The following UVRAG variants were observed in gnomAD, a reference collection of about 807,000 sequenced individuals.
UVRAG encodes UV radiation resistance associated.
UVRAG carries 19 observed loss-of-function variants against 78.0 expected under a neutral mutation model. The ratio of observed to expected loss-of-function variants is 0.24; its 90% CI spans 0.17 to 0.36. The LOEUF is 0.36. UVRAG is among the 10% of genes least tolerant of loss of function. UVRAG has a pLI of 1.00. For missense variants in UVRAG, 740 were observed against 853.8 expected, an observed-to-expected ratio of 0.87 and a Z score of 1.66; for synonymous variants, 323 against 324.6, an observed-to-expected ratio of 1.00 and a Z score of 0.05.
At chr11:76,038,943 A>C (rs1950591655) in intron 12 of UVRAG, among the ~76,000 whole-genome samples, 1 of 152,238 alleles carries the variant, frequency 6.6e-6, no homozygotes, top group African/African-American at 2.4e-5. Flanking sequence ...ACACATGAGA[A>C]GCCTGGCCAA....
rs577252740 is a variant in UVRAG at position 75,938,202 on chromosome 11, A to G, written c.594-23242A>G. Among the ~76,000 whole-genome samples the G allele has an allele frequency of 2.6e-5, 4 of 152,090 alleles. No individual in the cohort carries two copies. The South Asian group carries it at 6.2e-4, about 24-fold the overall frequency. ...TGTGATTTTCATCTCTGAAAGTTCAATTTGGGTTTTTCAAAAATTTTCAAT... is the reference window on the plus strand; with the variant it reads ...TGTGATTTTCATCTCTGAAAGTTCAGTTTGGGTTTTTCAAAAATTTTCAAT... On this transcript the variant is annotated intron_variant, in intron 6 of 14. Coordinates refer to ENST00000356136, the MANE Select transcript of UVRAG (RefSeq NM_003369.4).
chr11:75,836,041 C>T (rs1343548148), intron 1 of UVRAG, among the ~76,000 whole-genome samples: 1 of 151,942 alleles, frequency 6.6e-6, no homozygotes, highest in African/African-American at 2.4e-5. Flanking sequence ...GCGGAGGTTG[C>T]AGTGAGCCTA....
intron 2 of UVRAG, among the ~76,000 whole-genome samples, chr11:75,860,204 C>G (rs888372734): frequency 6.6e-5 from 10 of 152,382 alleles, no homozygotes; most frequent in Admixed American, 5.9e-4. Context: ...CTCAGCCTCC[C>G]AAAGTGCTGG....
chr11:76,138,317 C>G (rs1952635724), intron 14 of UVRAG, among the ~76,000 whole-genome samples: 1 of 152,194 alleles, frequency 6.6e-6, no homozygotes, highest in Admixed American at 6.5e-5. Context: ...CATGACCCAC[C>G]ACCTGCCTAT....
intron 7 of UVRAG, 66 bp from the exon 8 acceptor site, chr11:75,983,321 A>T: frequency 1.2e-5 from 16 of 1,356,970 alleles, no homozygotes; most frequent in Non-Finnish European, 1.6e-5. Flanking sequence ...AAACATTGTG[A>T]GTATGTAATT....
At position 75,919,188 on chromosome 11, in the gene UVRAG, A is replaced by G. The variant is rs975731790; in HGVS notation, c.593+7149A>G. ...TAACTTTGTTTATCATCTTTAAACT[A>G]TGGATGTGATAACCAACTTTTAGGC... On this transcript the variant is annotated intron_variant, in intron 6 of 14. Coordinates refer to ENST00000356136, the MANE Select transcript of UVRAG (RefSeq NM_003369.4). Among the ~76,000 whole-genome samples, 11 of 152,174 alleles carry G rather than the reference A, an allele frequency of 7.2e-5. No individual in the cohort carries two copies. The East Asian group carries it at 9.6e-4, about 13-fold the overall frequency.
At chr11:76,025,007 T>C (rs1274572338) in intron 12 of UVRAG, among the ~76,000 whole-genome samples, 1 of 152,190 alleles carries the variant, frequency 6.6e-6, no homozygotes, top group Non-Finnish European at 1.5e-5. Context: ...GCACTTGAGA[T>C]GTTAAAGTTC....
chr11:76,019,185 T>C (rs943604275), intron 12 of UVRAG, among the ~76,000 whole-genome samples: 3 of 152,252 alleles, frequency 2.0e-5, no homozygotes, highest in Non-Finnish European at 4.4e-5. Context: ...CACTTGATTC[T>C]TTTTAATTAT....
At chr11:75,976,682 T>A (rs547116451) in intron 7 of UVRAG, among the ~76,000 whole-genome samples, 1 of 152,326 alleles carries the variant, frequency 6.6e-6, no homozygotes, top group South Asian at 2.1e-4. Flanking sequence ...TATCTGATGG[T>A]AGTTTGTATC....
At chr11:76,055,072 A>G (rs1337321671) in intron 12 of UVRAG, among the ~76,000 whole-genome samples, 1 of 152,106 alleles carries the variant, frequency 6.6e-6, no homozygotes, top group East Asian at 1.9e-4. Flanking sequence ...GAAGCTGCCT[A>G]CGATTAATCC....
At chr11:76,009,167 AT>A (rs982762056) in intron 11 of UVRAG, among the ~76,000 whole-genome samples, 5 of 152,136 alleles carry the variant, frequency 3.3e-5, no homozygotes, top group Admixed American at 2.0e-4. Flanking sequence ...TTTTGGTTTG[AT>A]TTTTATGAAA....
chr11:76,119,146 C>A (rs994557319), intron 14 of UVRAG, among the ~76,000 whole-genome samples: 1 of 152,176 alleles, frequency 6.6e-6, no homozygotes, highest in Non-Finnish European at 1.5e-5. Flanking sequence ...TAGACCCAAA[C>A]TCAAAGGTCA....
At chr11:75,974,366 T>A (rs2135248027) in intron 7 of UVRAG, among the ~76,000 whole-genome samples, 1 of 140,248 alleles carries the variant, frequency 7.1e-6, no homozygotes, top group Admixed American at 7.0e-5. Flanking sequence ...TTTTTTTTTT[T>A]TTTTTTTTTT....
At chr11:76,051,123 A>G (rs1486301907) in intron 12 of UVRAG, among the ~76,000 whole-genome samples, 2 of 152,204 alleles carry the variant, frequency 1.3e-5, no homozygotes, top group Admixed American at 6.5e-5. Context: ...ATATGCACAC[A>G]TTGTGAAGTG....
intron 5 of UVRAG, among the ~76,000 whole-genome samples, chr11:75,895,629 CTGTT>C (rs1176098445): frequency 2.1e-5 from 3 of 144,630 alleles, no homozygotes; most frequent in Non-Finnish European, 3.0e-5. Context: ...ATGTGGCACT[CTGTT>C]TTTTTTTTTT....
At chr11:75,939,091 GT>G (rs1005078718) in intron 6 of UVRAG, among the ~76,000 whole-genome samples, 62 of 146,068 alleles carry the variant, frequency 4.2e-4, no homozygotes, top group African/African-American at 1.3e-3. Context: ...TTTTCCTAGG[GT>G]TTTTTTTTTT....
At chr11:75,949,714 T>TATATACACACACAC (rs59607906) in intron 6 of UVRAG, among the ~76,000 whole-genome samples, 6 of 136,872 alleles carry the variant, frequency 4.4e-5, no homozygotes, top group African/African-American at 1.7e-4. Flanking sequence ...TATATATATA[T>TATATACACACACAC]ACACACACAC....
At chr11:76,041,116 A>G (rs1591166694) in intron 12 of UVRAG, among the ~76,000 whole-genome samples, 1 of 152,228 alleles carries the variant, frequency 6.6e-6, no homozygotes, top group Non-Finnish European at 1.5e-5. Context: ...TAAAAGACAA[A>G]CCACTCAATT....
chr11:76,013,845 A>T (rs1950097076), intron 11 of UVRAG, among the ~76,000 whole-genome samples: 1 of 152,130 alleles, frequency 6.6e-6, no homozygotes, highest in Admixed American at 6.6e-5. Flanking sequence ...TGGTCCTTTT[A>T]AAATGCTTTT....
Sources: allele counts gnomAD v4.1 joint callset (sites outside exome capture counted in the v4.1 genomes callset), GRCh38; gene constraint gnomAD v4.1.1; transcripts MANE v1.5; gene names NCBI Gene and HGNC (gene_info 2026-07-23, HGNC 2026-07-21).